Variants in MBD5 observed in about 807,000 individuals in gnomAD.
MBD5 encodes methyl-CpG binding domain protein 5, also known as methyl-CpG-binding domain protein 5.
MBD5 carries 13 observed loss-of-function variants against 117.3 expected under a neutral mutation model. The ratio of observed to expected loss-of-function variants is 0.11; its 90% CI spans 0.07 to 0.18. MBD5 has a LOEUF of 0.18. Ranked by LOEUF, MBD5 falls within the 10% of genes least tolerant of loss-of-function variation. MBD5 has a pLI of 1.00. For synonymous variants in MBD5, 727 were observed against 766.4 expected, an observed-to-expected ratio of 0.95 and a Z score of 0.85; for missense variants, 1,879 against 2,093.8, an observed-to-expected ratio of 0.90 and a Z score of 2.00.
chr2:148,490,709 C>A lies in MBD5; in HGVS notation c.4962+115C>A, dbSNP rs572045298. ...TTTGAAATTAGGATTCTTCATGACT[C>A]ATTGAGGTCTCACAAGCTTCTGGAG... On this transcript the variant is annotated intron_variant, in intron 11 of 13. Coordinates refer to ENST00000642680, the MANE Select transcript of MBD5 (RefSeq NM_001378120.1). 284 of 1,302,992 alleles carry A rather than the reference C, an allele frequency of 2.2e-4. 2 individuals carry two copies. The African/African-American group carries it at 4.0e-3, about 18-fold the overall frequency. 80.7% of individuals were successfully genotyped at this position (1,302,992 alleles called of 1,614,324 possible).
At chr2:148,152,630 C>T (rs1485110040) in intron 1 of MBD5, among the ~76,000 whole-genome samples, 6 of 152,098 alleles carry the variant, frequency 3.9e-5, no homozygotes, top group Non-Finnish European at 8.8e-5. Context: ...CTCCTGTATT[C>T]GTTGCATATA....
chr2:148,242,868 A>G (rs1286045891), intron 3 of MBD5, among the ~76,000 whole-genome samples: 1 of 152,150 alleles, frequency 6.6e-6, no homozygotes, highest in Non-Finnish European at 1.5e-5. Flanking sequence ...GTGTGTATGT[A>G]TAGATTGTTT....
intron 3 of MBD5, among the ~76,000 whole-genome samples, chr2:148,334,339 G>GT (rs1008225428): frequency 2.4e-4 from 35 of 147,090 alleles, no homozygotes; most frequent in Non-Finnish European, 2.9e-4. Context: ...TATTTGTTTT[G>GT]TTTTTTTTTT....
intron 1 of MBD5, among the ~76,000 whole-genome samples, chr2:148,133,133 A>G (rs890544891): frequency 2.0e-5 from 3 of 152,238 alleles, no homozygotes; most frequent in Non-Finnish European, 2.9e-5. Flanking sequence ...GTCAGAACAC[A>G]TAATTTAGAG....
intron 2 of MBD5, among the ~76,000 whole-genome samples, chr2:148,207,123 A>T (rs1699301264): frequency 6.6e-6 from 1 of 152,236 alleles, no homozygotes; most frequent in South Asian, 2.1e-4. Context: ...AAGGATGTGC[A>T]GGAGGGGCAA....
intron 3 of MBD5, among the ~76,000 whole-genome samples, chr2:148,293,334 A>G (rs1701546896): frequency 6.6e-6 from 1 of 152,048 alleles, no homozygotes; most frequent in Non-Finnish European, 1.5e-5. Flanking sequence ...TTGTGATAGC[A>G]TAATAGAGTG....
rs1037040185 is a variant in MBD5, at chr2:148,514,810, C to G, written c.*1869C>G. 1 of 152,436 alleles carries G rather than the reference C, an allele frequency of 6.6e-6. No homozygotes were observed. Among genetic ancestry groups the G allele is most frequent in the South Asian group, 2.1e-4 (1 of 4,820 alleles). The allele number at this position is 152,436 out of a possible 1,614,324, so 9.4% of individuals were successfully genotyped here. ...ATAGCAACAGCTCTTAGTTATTCCC[C>G]TAGGTCTCCTGTGTCTCTCTGTCCC... is the stretch of plus-strand genomic sequence containing the variant. On this transcript the variant is annotated 3_prime_UTR_variant, in exon 14 of 14. Transcript: ENST00000642680.
At chr2:148,252,693 G>A (rs544435536) in intron 3 of MBD5, among the ~76,000 whole-genome samples, 100 of 152,058 alleles carry the variant, frequency 6.6e-4, no homozygotes, top group Non-Finnish European at 1.0e-3. Context: ...GGGACTGCAG[G>A]CATGCACCAT....
chr2:148,214,937 A>G (rs549500294), intron 2 of MBD5, among the ~76,000 whole-genome samples: 1 of 152,352 alleles, frequency 6.6e-6, no homozygotes, highest in African/African-American at 2.4e-5. Context: ...AGGTAACCTT[A>G]GCATTGCTAT....
At chr2:148,351,155 T>C (rs1703239633) in intron 4 of MBD5, among the ~76,000 whole-genome samples, 1 of 152,072 alleles carries the variant, frequency 6.6e-6, no homozygotes, top group Non-Finnish European at 1.5e-5. Flanking sequence ...ATTTCAAATA[T>C]ACAATTTAAT....
chr2:148,377,601 G>A (rs1456442061), intron 4 of MBD5, among the ~76,000 whole-genome samples: 1 of 152,172 alleles, frequency 6.6e-6, no homozygotes, highest in African/African-American at 2.4e-5. Context: ...CCACTGATGT[G>A]ATTATGTCTC....
chr2:148,471,936 A>G (rs1486264400), intron 8 of MBD5: 1 of 152,104 alleles, frequency 6.6e-6, no homozygotes, highest in Admixed American at 6.6e-5. Context: ...CAAAGTTCAT[A>G]ACTATTTAAA....
intron 1 of MBD5, chr2:148,028,595 T>C (rs1260230210): frequency 6.6e-6 from 1 of 152,054 alleles, no homozygotes; most frequent in Non-Finnish European, 1.5e-5. Context: ...TATTAGGATC[T>C]AAAAATAATA....
chr2:148,204,894 C>A (rs1699238305), intron 2 of MBD5, among the ~76,000 whole-genome samples: 1 of 151,964 alleles, frequency 6.6e-6, no homozygotes, highest in East Asian at 1.9e-4. Flanking sequence ...AAGGATTTAA[C>A]TGTAAAAGAA....
At chr2:148,116,295 T>C (rs976703600) in intron 1 of MBD5, among the ~76,000 whole-genome samples, 2 of 151,994 alleles carry the variant, frequency 1.3e-5, no homozygotes, top group African/African-American at 4.8e-5. Context: ...TATTCATTGC[T>C]CAGAAGCCAG....
intron 4 of MBD5, among the ~76,000 whole-genome samples, chr2:148,369,437 C>G (rs1267606759): frequency 1.3e-5 from 2 of 151,910 alleles, no homozygotes; most frequent in Non-Finnish European, 2.9e-5. Context: ...TATCCCTGTT[C>G]TAAGGAAATG....
intron 3 of MBD5, among the ~76,000 whole-genome samples, chr2:148,303,634 A>T (rs146412441): frequency 5.4e-4 from 83 of 152,376 alleles, no homozygotes; most frequent in Non-Finnish European, 9.1e-4. Context: ...AATTCAGGAA[A>T]TATTAGGTTT....
chr2:148,021,579 TCCTCCTCCTCCTTCG>T lies in MBD5; in HGVS notation c.-1017_-1003del, dbSNP rs1693734237. ...CCAGGAGCAGCCACTTCCCCAGCTCTCCTCCTCCTCCTTCGCCTCCTCCTCCTCCACTCCCCCCCT... is the reference window on the plus strand; with the variant it reads ...CCAGGAGCAGCCACTTCCCCAGCTCTCCTCCTCCTCCTCCACTCCCCCCCT... On this transcript the variant is annotated 5_prime_UTR_variant, in exon 1 of 14. Transcript: ENST00000642680. The T allele has an allele frequency of 8.1e-6, 4 of 492,442 alleles. No individual in the cohort carries two copies. Among genetic ancestry groups the T allele is most frequent in the African/African-American group, 7.9e-5 (4 of 50,934 alleles). 30.5% of individuals were successfully genotyped at this position (492,442 alleles called of 1,614,324 possible). A position where few individuals can be genotyped will look rare whatever the true frequency, so the allele number is the denominator to read the frequency against.
intron 2 of MBD5, among the ~76,000 whole-genome samples, chr2:148,229,805 G>T (rs906243283): frequency 6.6e-6 from 1 of 152,110 alleles, no homozygotes; most frequent in Non-Finnish European, 1.5e-5. Context: ...AGGATTATCT[G>T]GATTACCAGG....
Sources: gnomAD v4.1 joint callset for allele counts (sites outside exome capture counted in the v4.1 genomes callset) on GRCh38, gnomAD v4.1.1 for gene constraint, MANE v1.5 for transcripts, NCBI Gene and HGNC (gene_info 2026-07-23, HGNC 2026-07-21) for gene names.